The following CDC14A variants were observed in gnomAD, a reference collection of about 807,000 sequenced individuals.
CDC14A encodes cell division cycle 14A.
In CDC14A, 53 loss-of-function variants were observed where a neutral mutation model predicts 74.4. The ratio of observed to expected loss-of-function variants is 0.71; its 90% CI spans 0.57 to 0.89. The LOEUF (loss-of-function observed/expected upper bound fraction) is 0.89. Ranked by LOEUF, CDC14A falls within the 40% of genes least tolerant of loss-of-function variation. The probability of loss-of-function intolerance (pLI) is 0.00; values close to 1 mark genes in which losing one functional copy is unlikely to be tolerated. For synonymous variants in CDC14A, 247 were observed against 258.4 expected (o/e 0.96, Z 0.43); for missense variants, 646 against 713.7 (o/e 0.91, Z 1.08).
chr1:100,448,333 G>A (rs1649164764), intron 7 of CDC14A, among the ~76,000 whole-genome samples: 1 of 152,152 alleles, frequency 6.6e-6, no homozygotes, highest in African/African-American at 2.4e-5. Flanking sequence ...AAAATTATGA[G>A]AATATTTTCC....
In CDC14A at chr1:100,462,766, C is replaced by A. The variant is rs778039948; in HGVS notation, c.723C>A (p.Gly241=). Residue 241 remains glycine (G), a synonymous_variant, in exon 9 of 16, where the codon GGC becomes GGA. Coordinates refer to ENST00000336454, the MANE Select transcript of CDC14A (RefSeq NM_003672.4). ...IYEAKRFTDA[G]FEHYDLFFID... ...AGGCAAAGCGCTTCACAGACGCTGGCTTCGAGCACTATGACCTCTTCTTCA... is the reference window on the plus strand; with the variant it reads ...AGGCAAAGCGCTTCACAGACGCTGGATTCGAGCACTATGACCTCTTCTTCA... The A allele has an allele frequency of 6.2e-7, 1 of 1,614,090 alleles. No individual in the cohort carries two copies. Among genetic ancestry groups the A allele is most frequent in the South Asian group, 1.1e-5 (1 of 91,082 alleles).
chr1:100,393,077 G>C, intron 4 of CDC14A: 3 of 1,429,370 alleles, frequency 2.1e-6, no homozygotes, highest in Non-Finnish European at 2.0e-6. Context: ...TTTCCATGTT[G>C]CTGTTTAATT....
At chr1:100,387,863 C>A (rs901665213) in intron 3 of CDC14A, among the ~76,000 whole-genome samples, 1 of 152,210 alleles carries the variant, frequency 6.6e-6, no homozygotes. Flanking sequence ...TCTACTCCCC[C>A]CAACCCCCTC....
chr1:100,352,737 C>T lies in CDC14A; in HGVS notation c.-218C>T, dbSNP rs1175775233. The T allele has an allele frequency of 7.2e-7, 1 of 1,393,996 alleles. No homozygotes were observed. 86.4% of individuals were successfully genotyped at this position (1,393,996 alleles called of 1,614,324 possible). A position where few individuals can be genotyped will look rare whatever the true frequency, so the allele number is the denominator to read the frequency against. ...GCCACAGCCAGGGGCGTGAGCGCCCCGCGCGGAGCGAGCTCGGGTTCCCCT... is the reference window on the plus strand; with the variant it reads ...GCCACAGCCAGGGGCGTGAGCGCCCTGCGCGGAGCGAGCTCGGGTTCCCCT... On this transcript the variant is annotated 5_prime_UTR_variant, in exon 1 of 16. Coordinates refer to ENST00000336454, the MANE Select transcript of CDC14A (RefSeq NM_003672.4).
chr1:100,428,819 A>G (rs1053491051), intron 5 of CDC14A, among the ~76,000 whole-genome samples: 3 of 152,296 alleles, frequency 2.0e-5, no homozygotes, highest in East Asian at 1.9e-4. Context: ...AATTCATTTT[A>G]TACTTATTTC....
At chr1:100,514,945 A>G (rs1275277102) in intron 15 of CDC14A, among the ~76,000 whole-genome samples, 1 of 152,232 alleles carries the variant, frequency 6.6e-6, no homozygotes, top group African/African-American at 2.4e-5. Context: ...AAAATTAAAA[A>G]TGCCAGTAAC....
intron 5 of CDC14A, among the ~76,000 whole-genome samples, chr1:100,424,860 T>C (rs548153573): frequency 6.6e-6 from 1 of 152,208 alleles, no homozygotes; most frequent in South Asian, 2.1e-4. Flanking sequence ...TGGGGTGAAC[T>C]TGAGCTCATT....
chr1:100,415,421 A>T (rs927853221), intron 4 of CDC14A, among the ~76,000 whole-genome samples: 9 of 152,186 alleles, frequency 5.9e-5, no homozygotes, highest in Non-Finnish European at 1.2e-4. Context: ...GGATTCAAAT[A>T]CTGAAAATTG....
At chr1:100,504,862 C>T (rs954793631) in intron 15 of CDC14A, 6 of 1,535,574 alleles carry the variant, frequency 3.9e-6, no homozygotes, top group Middle Eastern at 3.3e-4. Context: ...TGGAAGCCCC[C>T]TGCTCTCCTT....
At position 100,484,330 on chromosome 1, in the gene CDC14A, G is replaced by A. The variant is rs745504275; in HGVS notation, c.1016G>A (p.Arg339Gln). 66 of 1,598,730 alleles carry A rather than the reference G, an allele frequency of 4.1e-5. No homozygotes were observed. Among genetic ancestry groups the A allele is most frequent in the South Asian group, 6.8e-5 (6 of 88,578 alleles). The change falls in exon 11 of 16, where the codon CGA (arginine) becomes CAA (glutamine). Residue 339 changes from arginine to glutamine, a missense_variant. Transcript: ENST00000336454. ...ASLWVQGDIF[R>Q]SKLKNRPSSE... ...TTGTGGGTCCAAGGAGACATTTTCC[G>A]ATCCAAACTGAAAAATCGACCATCC...
intron 4 of CDC14A, chr1:100,393,018 C>T (rs921839910): frequency 5.8e-5 from 78 of 1,336,814 alleles, no homozygotes; most frequent in Non-Finnish European, 7.1e-5. Context: ...CTTTTCTACC[C>T]GCGAAATTGT....
Position 100,484,422 on chromosome 1 carries a change from A to G in CDC14A, c.1108A>G (p.Lys370Glu). 1 of 1,604,986 alleles carries G rather than the reference A, an allele frequency of 6.2e-7. No individual in the cohort carries two copies. Among genetic ancestry groups the G allele is most frequent in the Non-Finnish European group, 8.5e-7 (1 of 1,176,480 alleles). Residue 370 changes from lysine to glutamate, a missense_variant, in exon 11 of 16, where the codon AAA becomes GAA. Coordinates refer to ENST00000336454, the MANE Select transcript of CDC14A (RefSeq NM_003672.4). ...TATGTCTATTGGTGGAAATCTTTCAAAAACACAAAACATGGAACGATTTGG... is the reference window on the plus strand; with the variant it reads ...TATGTCTATTGGTGGAAATCTTTCAGAAACACAAAACATGGAACGATTTGG... ...DDMSIGGNLSKTQNMERFGED... is the reference protein window; with the variant it reads ...DDMSIGGNLSETQNMERFGED...
chr1:100,443,766 C>G (rs1415512716), intron 7 of CDC14A, among the ~76,000 whole-genome samples: 3 of 152,082 alleles, frequency 2.0e-5, no homozygotes, highest in African/African-American at 7.2e-5. Context: ...CTTGACTGCT[C>G]AAAATGCAGG....
chr1:100,380,971 G>A (rs1656020730), intron 3 of CDC14A, among the ~76,000 whole-genome samples: 1 of 152,152 alleles, frequency 6.6e-6, no homozygotes, highest in South Asian at 2.1e-4. Flanking sequence ...ACTGGATTGA[G>A]GGTGCCTCCC....
intron 11 of CDC14A, among the ~76,000 whole-genome samples, chr1:100,490,914 G>A (rs1264317832): frequency 1.8e-4 from 28 of 152,152 alleles, no homozygotes; most frequent in Admixed American, 1.8e-3. Context: ...GGAATACAAA[G>A]CTCTTAAACA....
chr1:100,464,926 C>CTTTT (rs58978094), intron 9 of CDC14A, among the ~76,000 whole-genome samples: 1 of 138,836 alleles, frequency 7.2e-6, no homozygotes, highest in Non-Finnish European at 1.6e-5. Flanking sequence ...CTTTTCTTTT[C>CTTTT]TTTTTTTTTT....
intron 2 of CDC14A, among the ~76,000 whole-genome samples, chr1:100,375,664 A>ATGTG (rs1320761602): frequency 1.3e-5 from 2 of 152,172 alleles, no homozygotes; most frequent in Non-Finnish European, 2.9e-5. Flanking sequence ...GCTGGAGAGG[A>ATGTG]TGTGGAGAAA....
intron 4 of CDC14A, among the ~76,000 whole-genome samples, chr1:100,399,854 CAAA>C (rs78166292): frequency 2.4e-5 from 3 of 122,814 alleles, no homozygotes; most frequent in Non-Finnish European, 1.8e-5. Flanking sequence ...GACCCTGACT[CAAA>C]AAAAAAAAAA....
In CDC14A at chr1:100,377,535, T is replaced by C; in HGVS notation, c.141-11T>C. ...CTAAATACTACGTTTTTTGTTTTTC[T>C]TGTATCTTAGTTTCTATGCAGATTT... On this transcript the variant is annotated splice_polypyrimidine_tract_variant and intron_variant, in intron 2 of 15. Coordinates refer to ENST00000336454, the MANE Select transcript of CDC14A (RefSeq NM_003672.4). The C allele has an allele frequency of 6.2e-7, 1 of 1,602,626 alleles. No individual in the cohort carries two copies. Among genetic ancestry groups the C allele is most frequent in the Non-Finnish European group, 8.5e-7 (1 of 1,172,206 alleles).
Sources: gnomAD v4.1 joint callset for allele counts (sites outside exome capture counted in the v4.1 genomes callset) on GRCh38, gnomAD v4.1.1 for gene constraint, MANE v1.5 for transcripts, NCBI Gene and HGNC (gene_info 2026-07-23, HGNC 2026-07-21) for gene names.